Variants in CNBD1 observed in about 807,000 individuals in gnomAD.
CNBD1 encodes cyclic nucleotide-binding domain-containing protein 1.
Under a neutral mutation model 54.4 loss-of-function variants are expected in CNBD1, and 71 were observed. The ratio of observed to expected loss-of-function variants is 1.30; its 90% CI spans 1.08 to 1.59. The LOEUF is 1.59. Among genes scored for constraint, CNBD1 ranks in the 40% most tolerant of loss-of-function variants. The probability of loss-of-function intolerance (pLI) is 0.00; values close to 1 mark genes in which losing one functional copy is unlikely to be tolerated. For synonymous variants in CNBD1, 182 were observed against 170.7 expected, an observed-to-expected ratio of 1.07 and a Z score of -0.51; for missense variants, 659 against 518.0, an observed-to-expected ratio of 1.27 and a Z score of -2.64.
intron 3 of CNBD1, among the ~76,000 whole-genome samples, chr8:86,925,401 C>T (rs1366203437): frequency 6.6e-6 from 1 of 151,770 alleles, no homozygotes; most frequent in African/African-American, 2.4e-5. Context: ...AAGAATCTTA[C>T]AGCAAACATC....
At chr8:87,180,267 C>A (rs1238549770) in intron 4 of CNBD1, among the ~76,000 whole-genome samples, 2 of 152,202 alleles carry the variant, frequency 1.3e-5, no homozygotes, top group South Asian at 4.1e-4. Context: ...TGGTTGTTTG[C>A]AGAAATCATG....
intron 4 of CNBD1, among the ~76,000 whole-genome samples, chr8:87,150,093 C>A (rs1055989947): frequency 1.3e-5 from 2 of 151,932 alleles, no homozygotes; most frequent in South Asian, 2.1e-4. Context: ...AGGAGAATGG[C>A]GTGAACCCGG....
At chr8:86,978,606 G>T (rs1462433086) in intron 4 of CNBD1, among the ~76,000 whole-genome samples, 2 of 131,862 alleles carry the variant, frequency 1.5e-5, no homozygotes, top group African/African-American at 5.8e-5. Flanking sequence ...GCAATGGCGC[G>T]ATCTTGGCTC....
intron 1 of CNBD1, among the ~76,000 whole-genome samples, chr8:86,881,532 T>A (rs1808606257): frequency 6.6e-6 from 1 of 152,074 alleles, no homozygotes; most frequent in Admixed American, 6.6e-5. Flanking sequence ...CACAAACAAA[T>A]GGAAAACCAT....
At chr8:87,378,868 A>T (rs570519427) in intron 10 of CNBD1, among the ~76,000 whole-genome samples, 3 of 149,422 alleles carry the variant, frequency 2.0e-5, no homozygotes. Flanking sequence ...AAGGTCCTTC[A>T]TATCCCTTGT....
chr8:87,093,286 A>G lies in CNBD1; in HGVS notation c.432-112707A>G, dbSNP rs922868621. ...CGGCAACGGACAGATGAGAATGGAA[A>G]TGCTGATGAACATTACCTGCTAGGA... is the stretch of plus-strand genomic sequence containing the variant. On this transcript the variant is annotated intron_variant, in intron 4 of 10. Transcript: ENST00000518476. Among the ~76,000 whole-genome samples the G allele has an allele frequency of 2.6e-5, 4 of 152,190 alleles. No homozygotes were observed. In the East Asian group the frequency reaches 7.7e-4, roughly 29 times the overall value.
At chr8:87,120,600 G>T (rs888014311) in intron 4 of CNBD1, among the ~76,000 whole-genome samples, 2 of 151,720 alleles carry the variant, frequency 1.3e-5, no homozygotes, top group African/African-American at 2.4e-5. Context: ...TGCTAATTTT[G>T]GGTTTGGTTT....
chr8:87,212,979 T>C lies in CNBD1; in HGVS notation c.577+6841T>C, dbSNP rs547430685. On this transcript the variant is annotated intron_variant, in intron 5 of 10. Coordinates refer to ENST00000518476, the MANE Select transcript of CNBD1 (RefSeq NM_173538.3). ...TCTAATAAGGGTCTCATGTCCAGAA[T>C]ATGAATAACTTGTAAACCTGAGTAA... 1.4e-4 allele frequency among the ~76,000 whole-genome samples: 21 copies of C among 152,270 alleles called. No homozygotes were observed. In the East Asian group the frequency reaches 4.1e-3, roughly 29 times the overall value.
rs565308703 is a variant in CNBD1 at position 87,226,758 on chromosome 8, G to A, written c.578-10161G>A. ...AGTTCTGTAGATGTCTATTAGGTCC[G>A]CTTGGTGCAGAGCTGAGTTCAATTC... On this transcript the variant is annotated intron_variant, in intron 5 of 10. Coordinates refer to ENST00000518476, the MANE Select transcript of CNBD1 (RefSeq NM_173538.3). 6.9e-4 allele frequency among the ~76,000 whole-genome samples: 105 copies of A among 151,770 alleles called. 2 individuals are homozygous for A. In the East Asian group the frequency reaches 8.5e-3, roughly 12 times the overall value.
intron 3 of CNBD1, 78 bp from the exon 4 acceptor site, chr8:86,939,518 C>A: frequency 3.0e-6 from 3 of 997,120 alleles, no homozygotes; most frequent in Non-Finnish European, 4.3e-6. Flanking sequence ...ATTTATACTC[C>A]TGCAATATAG....
At chr8:87,183,620 G>T (rs527386245) in intron 4 of CNBD1, among the ~76,000 whole-genome samples, 3 of 152,040 alleles carry the variant, frequency 2.0e-5, no homozygotes, top group East Asian at 1.9e-4. Flanking sequence ...TTTTAGAGTT[G>T]CCAGAATTCT....
intron 4 of CNBD1, among the ~76,000 whole-genome samples, chr8:86,947,726 G>T (rs911671548): frequency 6.6e-6 from 1 of 151,996 alleles, no homozygotes; most frequent in African/African-American, 2.4e-5. Flanking sequence ...GGAGAATGGG[G>T]TGTTCGTGCC....
intron 4 of CNBD1, among the ~76,000 whole-genome samples, chr8:86,965,334 C>T (rs1808043737): frequency 6.6e-6 from 1 of 152,036 alleles, no homozygotes; most frequent in South Asian, 2.1e-4. Context: ...CAAGGTGTAG[C>T]CTCAGCCAGA....
chr8:86,949,135 C>T (rs1400452104), intron 4 of CNBD1, among the ~76,000 whole-genome samples: 1 of 152,052 alleles, frequency 6.6e-6, no homozygotes, highest in Non-Finnish European at 1.5e-5. Context: ...CAGTAACATG[C>T]CATTTTGTTT....
chr8:87,157,646 G>T (rs1370272199), intron 4 of CNBD1, among the ~76,000 whole-genome samples: 1 of 152,068 alleles, frequency 6.6e-6, no homozygotes, highest in East Asian at 1.9e-4. Flanking sequence ...TATACACAGG[G>T]GCTTTGCCTG....
chr8:87,092,536 T>C (rs1387858406), intron 4 of CNBD1, among the ~76,000 whole-genome samples: 1 of 115,716 alleles, frequency 8.6e-6, no homozygotes, highest in African/African-American at 3.6e-5. Flanking sequence ...TATGTATGTA[T>C]GTGTGTGTAT....
intron 8 of CNBD1, among the ~76,000 whole-genome samples, chr8:87,334,765 C>A (rs559641189): frequency 3.4e-5 from 5 of 148,606 alleles, no homozygotes; most frequent in Admixed American, 6.7e-5. Context: ...TGTTGCCAGG[C>A]CATAGTGCAG....
At chr8:87,381,771 C>G (rs538581900) in intron 10 of CNBD1, among the ~76,000 whole-genome samples, 10 of 151,874 alleles carry the variant, frequency 6.6e-5, no homozygotes, top group Admixed American at 3.9e-4. Context: ...CCAAACCTGA[C>G]CACTCATACG....
chr8:87,388,622 C>A (rs992935521), intron 2 of CNBD1, among the ~76,000 whole-genome samples: 8 of 151,912 alleles, frequency 5.3e-5, no homozygotes, highest in Non-Finnish European at 1.2e-4. Flanking sequence ...GCTTACCAAC[C>A]AAAAAAAGTC....
Sources: allele counts gnomAD v4.1 joint callset (sites outside exome capture counted in the v4.1 genomes callset), GRCh38; gene constraint gnomAD v4.1.1; transcripts MANE v1.5; gene names NCBI Gene and HGNC (gene_info 2026-07-23, HGNC 2026-07-21).